The following G3BP2 variants were observed in gnomAD, a reference collection of about 807,000 sequenced individuals.
G3BP2 encodes ras GTPase-activating protein-binding protein 2.
G3BP2 carries 11 observed loss-of-function variants against 56.7 expected under a neutral mutation model. The ratio of observed to expected loss-of-function variants is 0.19; its 90% CI spans 0.12 to 0.32. G3BP2 has a LOEUF of 0.32. Among genes scored for constraint, G3BP2 ranks in the 10% least tolerant of loss-of-function variants. The pLI, the probability that G3BP2 is intolerant of heterozygous loss-of-function variation, is 1.00. For missense variants in G3BP2, 340 were observed against 610.9 expected (o/e 0.56, Z 4.67); for synonymous variants, 165 against 191.6 (o/e 0.86, Z 1.15).
chr4:75,645,810 C>T (rs35597810), intron 11 of G3BP2, 108 bp from the exon 12 acceptor site: 2 of 951,836 alleles, frequency 2.1e-6, no homozygotes, highest in Non-Finnish European at 3.2e-6. Context: ...ACACTTTTAT[C>T]AGCCCCCCAC....
intron 3 of G3BP2, among the ~76,000 whole-genome samples, chr4:75,702,349 GC>G (rs1401765757): frequency 1.3e-5 from 2 of 152,102 alleles, no homozygotes; most frequent in East Asian, 3.9e-4. Flanking sequence ...TTGCCATGTT[GC>G]CTAGGCTGGT....
intron 3 of G3BP2, among the ~76,000 whole-genome samples, chr4:75,710,034 GACCACATACTAGGT>G (rs1168823151): frequency 6.6e-6 from 1 of 152,120 alleles, no homozygotes; most frequent in Non-Finnish European, 1.5e-5. Flanking sequence ...TTGAACATAT[GACCACATACTAGGT>G]AATGTAATGT....
intron 3 of G3BP2, among the ~76,000 whole-genome samples, chr4:75,678,545 TG>T (rs1234785639): frequency 6.6e-6 from 1 of 152,172 alleles, no homozygotes; most frequent in African/African-American, 2.4e-5. Context: ...CTGGGCACAA[TG>T]GGGTATGCTT....
chr4:75,651,376 A>C (rs1265895624), intron 8 of G3BP2, among the ~76,000 whole-genome samples: 1 of 152,242 alleles, frequency 6.6e-6, no homozygotes, highest in African/African-American at 2.4e-5. Context: ...AGTAACTACA[A>C]GTAGCAAAAT....
chr4:75,683,093 G>T (rs1247437980), intron 3 of G3BP2, among the ~76,000 whole-genome samples: 1 of 152,074 alleles, frequency 6.6e-6, no homozygotes, highest in Non-Finnish European at 1.5e-5. Flanking sequence ...CCTCATGCAG[G>T]GTCCGCATCA....
At position 75,655,079 on chromosome 4, in the gene G3BP2, T is replaced by C. The variant is rs754122102; in HGVS notation, c.713A>G (p.Gln238Arg). 17 of 1,610,946 alleles carry C rather than the reference T, an allele frequency of 1.1e-5. No individual in the cohort carries two copies. Among genetic ancestry groups the C allele is most frequent in the Middle Eastern group, 1.7e-4 (1 of 6,040 alleles). ...PPPAEPVSLPQEPPKAFSWAS... is the reference protein window; with the variant it reads ...PPPAEPVSLPREPPKAFSWAS... ...CTTTGATCTAACCTTTGGTGGTTCTTGTGGCAGAGAAACAGGTTCTGCCGG... is the reference window on the plus strand; with the variant it reads ...CTTTGATCTAACCTTTGGTGGTTCTCGTGGCAGAGAAACAGGTTCTGCCGG... The change falls in exon 7 of 12, where the codon CAA becomes CGA. Residue 238 changes from glutamine (Q) to arginine (R), a missense_variant. This residue lies in a region of G3BP2 where 224 missense variants were observed against 332.5 expected (regional missense o/e 0.67). Transcript: ENST00000359707.
chr4:75,650,429 A>C (rs1453442395), intron 8 of G3BP2, among the ~76,000 whole-genome samples: 19 of 150,982 alleles, frequency 1.3e-4, no homozygotes, highest in Admixed American at 2.6e-4. Flanking sequence ...TCCATCTCAA[A>C]AAAAAAAAAA....
intron 3 of G3BP2, among the ~76,000 whole-genome samples, chr4:75,717,478 C>T (rs893383910): frequency 5.3e-5 from 8 of 152,092 alleles, no homozygotes; most frequent in African/African-American, 1.9e-4. Context: ...TCTCAAGAGA[C>T]AACTCTGTCA....
At chr4:75,663,837 C>T (rs1192358079) in intron 1 of G3BP2, among the ~76,000 whole-genome samples, 4 of 2,824 alleles carry the variant, frequency 1.4e-3, no homozygotes, top group Admixed American at 8.1e-3. Context: ...CCAGCCTGGG[C>T]GACAGAGCGA....
chr4:75,654,726 C>T (rs1056357907), intron 7 of G3BP2, among the ~76,000 whole-genome samples: 4 of 152,176 alleles, frequency 2.6e-5, no homozygotes, highest in African/African-American at 9.7e-5. Context: ...AGTTGGGAAA[C>T]TGCATGATTC....
At chr4:75,697,130 T>A (rs566991517) in intron 3 of G3BP2, among the ~76,000 whole-genome samples, 1 of 151,486 alleles carries the variant, frequency 6.6e-6, no homozygotes, top group African/African-American at 2.4e-5. Context: ...AAAAATTAGC[T>A]GGGCTGGGTA....
chr4:75,709,743 C>A (rs943281771), intron 3 of G3BP2, among the ~76,000 whole-genome samples: 9 of 152,082 alleles, frequency 5.9e-5, no homozygotes, highest in African/African-American at 1.9e-4. Context: ...TTATGTTGCC[C>A]AGGCTGGACT....
chr4:75,721,250 CT>C (rs568380952), intron 2 of G3BP2, among the ~76,000 whole-genome samples: 392 of 134,184 alleles, frequency 2.9e-3, no homozygotes, highest in Non-Finnish European at 3.1e-3. Flanking sequence ...CTCAACTAGT[CT>C]TTTTTTTTTT....
chr4:75,689,675 G>C (rs954827799), intron 3 of G3BP2, among the ~76,000 whole-genome samples: 3 of 152,162 alleles, frequency 2.0e-5, no homozygotes, highest in Admixed American at 2.0e-4. Flanking sequence ...ACTGACCAAG[G>C]GAGGTGGCTT....
chr4:75,712,187 C>A (rs534082120), intron 3 of G3BP2, among the ~76,000 whole-genome samples: 11 of 152,120 alleles, frequency 7.2e-5, no homozygotes, highest in African/African-American at 2.7e-4. Context: ...CCAATTTAAA[C>A]AATTTTATAT....
At chr4:75,684,056 T>C (rs970691545) in intron 3 of G3BP2, among the ~76,000 whole-genome samples, 1 of 152,132 alleles carries the variant, frequency 6.6e-6, no homozygotes, top group Non-Finnish European at 1.5e-5. Flanking sequence ...AAGGTTATTA[T>C]TCCTTGGGTG....
chr4:75,678,793 G>A (rs549104813), intron 3 of G3BP2, among the ~76,000 whole-genome samples: 1 of 152,184 alleles, frequency 6.6e-6, no homozygotes, highest in East Asian at 1.9e-4. Flanking sequence ...TGTAAAATGG[G>A]GACAATAATA....
chr4:75,654,818 A>T (rs892177222), intron 7 of G3BP2: 1 of 429,464 alleles, frequency 2.3e-6, no homozygotes, highest in East Asian at 4.3e-5. Flanking sequence ...ATAATTTCAT[A>T]TAAGTTACTA....
intron 3 of G3BP2, among the ~76,000 whole-genome samples, chr4:75,690,724 A>C (rs2149080792): frequency 6.6e-6 from 1 of 152,060 alleles, no homozygotes; most frequent in East Asian, 1.9e-4. Context: ...GGTATGCACC[A>C]CCATGCATGG....
Sources: allele counts gnomAD v4.1 joint callset (sites outside exome capture counted in the v4.1 genomes callset), GRCh38; gene constraint gnomAD v4.1.1; regional missense constraint gnomAD v4.1.1; transcripts MANE v1.5; gene names NCBI Gene and HGNC (gene_info 2026-07-23, HGNC 2026-07-21).